Variants in ITGA9 observed in about 807,000 individuals in gnomAD.
ITGA9 encodes the protein integrin subunit alpha 9.
Under a neutral mutation model 127.8 loss-of-function variants are expected in ITGA9, and 56 were observed. That is an observed-to-expected ratio of 0.44 (90% CI 0.35 to 0.55). ITGA9 has a LOEUF of 0.55. ITGA9 is among the 20% of genes least tolerant of loss of function. The probability of loss-of-function intolerance (pLI) is 0.00; values close to 1 mark genes in which losing one functional copy is unlikely to be tolerated. For missense variants in ITGA9, 1,196 were observed against 1,347.1 expected, an observed-to-expected ratio of 0.89 and a Z score of 1.76; for synonymous variants, 508 against 514.5, an observed-to-expected ratio of 0.99 and a Z score of 0.17.
chr3:37,466,559 G>A (rs1036122984), intron 1 of ITGA9, among the ~76,000 whole-genome samples: 13 of 150,430 alleles, frequency 8.6e-5, no homozygotes, highest in African/African-American at 2.9e-4. Flanking sequence ...GGGATAGGAG[G>A]AGAGAGCCTT....
In ITGA9 at chr3:37,471,105, G is replaced by C; in HGVS notation, c.284G>C (p.Arg95Pro). Reference sequence around the variant, plus strand: ...TGCCGTGTTCACACCAACCCTGACCGGAGATGCACCGAACTGGACATGGCT... The same window carrying C: ...TGCCGTGTTCACACCAACCCTGACCCGAGATGCACCGAACTGGACATGGCT... ...FKCRVHTNPD[R>P]RCTELDMARG... Residue 95 changes from arginine to proline, a missense_variant, in exon 2 of 28, where the codon CGG becomes CCG. By Grantham distance (103) the Arg-to-Pro change is moderately radical. Coordinates refer to ENST00000264741, the MANE Select transcript of ITGA9 (RefSeq NM_002207.3). 6.2e-7 allele frequency: 1 copy of C among 1,614,044 alleles called. No individual in the cohort carries two copies. Among genetic ancestry groups the C allele is most frequent in the Non-Finnish European group, 8.5e-7 (1 of 1,179,994 alleles).
chr3:37,547,361 C>T (rs376566180), intron 15 of ITGA9, among the ~76,000 whole-genome samples: 81 of 152,256 alleles, frequency 5.3e-4, no homozygotes, highest in African/African-American at 1.8e-3. Flanking sequence ...CTCATCCTGG[C>T]CTGGCGAAGG....
chr3:37,480,401 T>C (rs2125558246), intron 3 of ITGA9, among the ~76,000 whole-genome samples: 1 of 152,320 alleles, frequency 6.6e-6, no homozygotes, highest in African/African-American at 2.4e-5. Context: ...TTCGCCAGTA[T>C]GCGGAGCTCT....
intron 15 of ITGA9, among the ~76,000 whole-genome samples, chr3:37,609,134 C>G (rs1699995304): frequency 6.6e-6 from 1 of 152,156 alleles, no homozygotes; most frequent in African/African-American, 2.4e-5. Flanking sequence ...ATGCTCTATG[C>G]TTGCCCGCCT....
At chr3:37,500,209 CA>C (rs1318065416) in intron 5 of ITGA9, among the ~76,000 whole-genome samples, 2 of 152,186 alleles carry the variant, frequency 1.3e-5, no homozygotes, top group African/African-American at 4.8e-5. Flanking sequence ...GTCTCTTATG[CA>C]GGACAGATGA....
chr3:37,509,664 G>A (rs767599657), intron 8 of ITGA9, among the ~76,000 whole-genome samples: 3 of 152,134 alleles, frequency 2.0e-5, no homozygotes, highest in Non-Finnish European at 4.4e-5. Flanking sequence ...AATAAAAAAT[G>A]CATCACCAAA....
chr3:37,577,671 T>C (rs928000879), intron 15 of ITGA9, among the ~76,000 whole-genome samples: 1 of 152,266 alleles, frequency 6.6e-6, no homozygotes, highest in African/African-American at 2.4e-5. Flanking sequence ...GTTTTTGTTC[T>C]GTTTTTAATT....
intron 15 of ITGA9, among the ~76,000 whole-genome samples, chr3:37,602,745 T>C (rs1699933368): frequency 6.6e-6 from 1 of 152,216 alleles, no homozygotes; most frequent in African/African-American, 2.4e-5. Flanking sequence ...ATTAGGTGTT[T>C]CGTATACATT....
Position 37,481,397 on chromosome 3 carries a change from G to A in ITGA9, c.421-87G>A. 7 of 1,563,452 alleles carry A rather than the reference G, an allele frequency of 4.5e-6. 1 individual carries two copies. The South Asian group carries it at 7.8e-5, about 17-fold the overall frequency. ...CCCTCTGCTCCTCTCTTCTCCCACA[G>A]AAAGAAACATCTGGCACTGACAGGA... On this transcript the variant is annotated intron_variant, in intron 3 of 27. Transcript: ENST00000264741.
chr3:37,465,518 G>A (rs767247993), intron 1 of ITGA9, among the ~76,000 whole-genome samples: 14 of 152,170 alleles, frequency 9.2e-5, no homozygotes, highest in Admixed American at 5.2e-4. Flanking sequence ...AAACACATGA[G>A]AGGCTGCCTG....
At chr3:37,494,633 T>G in intron 5 of ITGA9, 65 bp downstream of exon 5, 4 of 1,403,726 alleles carry the variant, frequency 2.8e-6, no homozygotes, top group Non-Finnish European at 4.0e-6. Flanking sequence ...CTTATATGAT[T>G]TTGGCAACCC....
At chr3:37,627,929 C>T (rs1700191855) in intron 15 of ITGA9, among the ~76,000 whole-genome samples, 1 of 152,094 alleles carries the variant, frequency 6.6e-6, no homozygotes, top group Non-Finnish European at 1.5e-5. Flanking sequence ...AACTGGCAGG[C>T]ACATCTGCCT....
chr3:37,603,942 T>C (rs1327317757), intron 15 of ITGA9, among the ~76,000 whole-genome samples: 2 of 152,200 alleles, frequency 1.3e-5, no homozygotes, highest in African/African-American at 4.8e-5. Context: ...AGCAGCTACA[T>C]TCCCATTCAA....
At chr3:37,516,595 G>T (rs925904056) in intron 9 of ITGA9, among the ~76,000 whole-genome samples, 2 of 152,132 alleles carry the variant, frequency 1.3e-5, no homozygotes, top group South Asian at 2.1e-4. Context: ...TGGGGTGGAG[G>T]TTTCATTCAT....
intron 18 of ITGA9, among the ~76,000 whole-genome samples, chr3:37,713,700 C>A (rs1260149312): frequency 2.0e-5 from 3 of 152,136 alleles, no homozygotes; most frequent in Admixed American, 6.5e-5. Flanking sequence ...AAAAGCCTGT[C>A]GAGCTTTCTT....
intron 15 of ITGA9, among the ~76,000 whole-genome samples, chr3:37,618,255 C>A (rs1322859543): frequency 2.0e-5 from 3 of 152,228 alleles, no homozygotes; most frequent in African/African-American, 7.2e-5. Flanking sequence ...TGGGTATCAG[C>A]AGCGGAGGCT....
chr3:37,471,283 C>T (rs1408084005), intron 2 of ITGA9, 149 bp downstream of exon 2: 13 of 916,578 alleles, frequency 1.4e-5, no homozygotes, highest in Middle Eastern at 2.5e-4. Context: ...GTATTGAGTA[C>T]GTAATAGTTA....
chr3:37,616,049 G>A (rs1455043481), intron 15 of ITGA9, among the ~76,000 whole-genome samples: 5 of 152,110 alleles, frequency 3.3e-5, no homozygotes, highest in African/African-American at 7.2e-5. Flanking sequence ...TCTTTTAATT[G>A]TGATGTTAGG....
At chr3:37,624,200 CTTTTT>C (rs58307041) in intron 15 of ITGA9, among the ~76,000 whole-genome samples, 9 of 85,766 alleles carry the variant, frequency 1.0e-4, no homozygotes, top group Admixed American at 3.1e-4. Flanking sequence ...AAAAAAAACC[CTTTTT>C]TTTTTTTTTT....
Sources: gnomAD v4.1 joint callset for allele counts (sites outside exome capture counted in the v4.1 genomes callset) on GRCh38, gnomAD v4.1.1 for gene constraint, MANE v1.5 for transcripts, NCBI Gene and HGNC (gene_info 2026-07-23, HGNC 2026-07-21) for gene names.